Variants in SCMH1 observed in about 807,000 individuals in gnomAD.
SCMH1 encodes Scm polycomb group protein homolog 1, also known as polycomb protein SCMH1.
A neutral mutation model predicts 70.8 loss-of-function variants in SCMH1; 37 were observed. The ratio of observed to expected loss-of-function variants is 0.52; its 90% CI spans 0.40 to 0.69. The LOEUF (loss-of-function observed/expected upper bound fraction) is 0.69. Ranked by LOEUF, SCMH1 falls within the 30% of genes least tolerant of loss-of-function variation. The pLI, the probability that SCMH1 is intolerant of heterozygous loss-of-function variation, is 0.00. For missense variants in SCMH1, 607 were observed against 827.3 expected (o/e 0.73, Z 3.27); for synonymous variants, 292 against 307.4 (o/e 0.95, Z 0.52).
At chr1:41,241,895 C>A (rs2148971324) in intron 1 of SCMH1, among the ~76,000 whole-genome samples, 164 bp downstream of exon 1, 1 of 151,928 alleles carries the variant, frequency 6.6e-6, no homozygotes, top group Admixed American at 6.6e-5. Flanking sequence ...CCCAGCCCCG[C>A]GCGGACCACA....
At chr1:41,103,098 C>T (rs1192794441) in intron 8 of SCMH1, among the ~76,000 whole-genome samples, 2 of 151,554 alleles carry the variant, frequency 1.3e-5, no homozygotes, top group Non-Finnish European at 2.9e-5. Context: ...TGTAATAGTT[C>T]CTCAAAAATA....
intron 6 of SCMH1, among the ~76,000 whole-genome samples, chr1:41,119,232 G>A (rs1671285666): frequency 1.3e-5 from 2 of 151,988 alleles, no homozygotes; most frequent in Admixed American, 6.6e-5. Context: ...GAGGTGACAA[G>A]GAAATGCAAA....
intron 2 of SCMH1, among the ~76,000 whole-genome samples, chr1:41,184,728 G>A (rs1239634788): frequency 6.6e-6 from 1 of 152,042 alleles, no homozygotes; most frequent in African/African-American, 2.4e-5. Context: ...CAAGCAGAAA[G>A]GCTGAATGAC....
chr1:41,089,902 G>C (rs1327219369), intron 8 of SCMH1, among the ~76,000 whole-genome samples: 2 of 145,938 alleles, frequency 1.4e-5, no homozygotes, highest in African/African-American at 5.1e-5. Context: ...AGCGAGTCTC[G>C]TGCCTCAGCC....
At chr1:41,186,427 T>C (rs1372189428) in intron 1 of SCMH1, among the ~76,000 whole-genome samples, 177 bp from the exon 2 acceptor site, 1 of 152,176 alleles carries the variant, frequency 6.6e-6, no homozygotes, top group Non-Finnish European at 1.5e-5. Flanking sequence ...GTACCACAGG[T>C]TGAATTTAAT....
intron 6 of SCMH1, among the ~76,000 whole-genome samples, chr1:41,132,696 T>C (rs1271986376): frequency 1.3e-5 from 2 of 152,208 alleles, no homozygotes; most frequent in African/African-American, 2.4e-5. Context: ...ATTTAAGTCT[T>C]TAATCCATCT....
chr1:41,173,357 T>C (rs1646911139), intron 2 of SCMH1, among the ~76,000 whole-genome samples: 3 of 152,144 alleles, frequency 2.0e-5, no homozygotes, highest in African/African-American at 7.2e-5. Flanking sequence ...CTAACAGGTA[T>C]ATGAAAAATG....
At chr1:41,056,262 C>G (rs967455229) in intron 10 of SCMH1, among the ~76,000 whole-genome samples, 1 of 152,238 alleles carries the variant, frequency 6.6e-6, no homozygotes, top group Non-Finnish European at 1.5e-5. Flanking sequence ...AACATGAGTT[C>G]TGCTAGTTAT....
rs189624076 is a variant in SCMH1, at chr1:41,109,392, T to C, written c.745+3891A>G. 8.5e-4 allele frequency among the ~76,000 whole-genome samples: 130 copies of C among 152,210 alleles called. 1 individual carries two copies. Among genetic ancestry groups the C allele is most frequent in the African/African-American group, 2.7e-3 (113 of 41,536 alleles). On this transcript the variant is annotated intron_variant, in intron 8 of 14. Coordinates refer to ENST00000337495, the Ensembl canonical transcript of SCMH1. The stretch of plus-strand genomic sequence containing the variant: ...CAGAAGGTAGGAAAGAAGGAGGAAA[T>C]AGTATGATTAGAAAGAGAACAGGCT...
At chr1:41,095,615 C>T (rs897489103) in intron 8 of SCMH1, among the ~76,000 whole-genome samples, 10 of 152,236 alleles carry the variant, frequency 6.6e-5, no homozygotes, top group Non-Finnish European at 1.3e-4. Context: ...GAAAATGTGC[C>T]ATTCTGATGC....
chr1:41,084,772 A>G (rs1362926329), intron 8 of SCMH1, among the ~76,000 whole-genome samples: 11 of 152,256 alleles, frequency 7.2e-5, no homozygotes, highest in Middle Eastern at 3.4e-3. Flanking sequence ...TGTGGCACAT[A>G]TACACCATGG....
intron 10 of SCMH1, among the ~76,000 whole-genome samples, chr1:41,056,298 A>G (rs996574613): frequency 3.3e-5 from 5 of 152,226 alleles, no homozygotes; most frequent in Middle Eastern, 3.2e-3. Context: ...ATAAGCCCCA[A>G]TTGAGGTACC....
chr1:41,056,177 G>A (rs1045722838), intron 10 of SCMH1, among the ~76,000 whole-genome samples: 2 of 152,158 alleles, frequency 1.3e-5, no homozygotes, highest in African/African-American at 4.8e-5. Flanking sequence ...CCTATCTCTT[G>A]AGAAACTTGC....
chr1:41,179,971 C>A, intron 2 of SCMH1, among the ~76,000 whole-genome samples: 1 of 152,078 alleles, frequency 6.6e-6, no homozygotes. Context: ...CTCAATAAAA[C>A]ACTGGCAAAC....
chr1:41,160,969 C>G, intron 3 of SCMH1, 71 bp from the exon 4 acceptor site: 1 of 1,409,750 alleles, frequency 7.1e-7, no homozygotes, highest in Non-Finnish European at 9.8e-7. Flanking sequence ...AGGTGAAATT[C>G]TGGGGTAAAA....
chr1:41,145,943 T>C (rs1452772256), intron 5 of SCMH1, among the ~76,000 whole-genome samples: 1 of 152,180 alleles, frequency 6.6e-6, no homozygotes, highest in African/African-American at 2.4e-5. Context: ...GGTTTATGTG[T>C]TTACTATATA....
chr1:41,073,446 T>C (rs985422732), intron 9 of SCMH1, among the ~76,000 whole-genome samples: 2 of 152,286 alleles, frequency 1.3e-5, no homozygotes, highest in East Asian at 3.9e-4. Flanking sequence ...GCCTCTCCTC[T>C]ACAACATGAG....
intron 11 of SCMH1, among the ~76,000 whole-genome samples, chr1:41,047,352 A>G (rs1646990589): frequency 6.6e-6 from 1 of 151,794 alleles, no homozygotes; most frequent in South Asian, 2.1e-4. Context: ...GCTGGGCCTC[A>G]GAAGGGACAT....
Position 41,186,052 on chromosome 1 carries a change from C to T in SCMH1, c.13+69G>A, listed in dbSNP as rs1178362380. 4 of 1,517,724 alleles carry T rather than the reference C, an allele frequency of 2.6e-6. No individual in the cohort carries two copies. In the East Asian group the frequency reaches 9.9e-5, roughly 37 times the overall value. 94.0% of individuals were successfully genotyped at this position (1,517,724 alleles called of 1,614,324 possible). ...GTAGTCTAATTATTCGTGAGGAATT[C>T]CTTAAAGCCAGTCCTTGCTAGGTCT... On this transcript the variant is annotated intron_variant, in intron 2 of 14. Coordinates refer to ENST00000337495, the Ensembl canonical transcript of SCMH1.
Sources: allele counts gnomAD v4.1 joint callset (sites outside exome capture counted in the v4.1 genomes callset), GRCh38; gene constraint gnomAD v4.1.1; transcripts MANE v1.5; gene names NCBI Gene and HGNC (gene_info 2026-07-23, HGNC 2026-07-21).